EMILIN2: variants seen among roughly 807,000 people sequenced by gnomAD.
EMILIN2 encodes EMILIN-2.
EMILIN2 carries 71 observed loss-of-function variants against 87.1 expected under a neutral mutation model. The observed-to-expected ratio is 0.82, with a 90% CI of 0.67 to 0.99. The LOEUF is 0.99. Among genes scored for constraint, EMILIN2 ranks in the 50% least tolerant of loss-of-function variants. The pLI is 0.00. For synonymous variants in EMILIN2, 581 were observed against 563.4 expected (o/e 1.03, Z -0.44); for missense variants, 1,407 against 1,371.8 (o/e 1.03, Z -0.40).
chr18:2,881,331 G>A (rs984380516), intron 2 of EMILIN2, among the ~76,000 whole-genome samples: 1 of 152,150 alleles, frequency 6.6e-6, no homozygotes, highest in African/African-American at 2.4e-5. Context: ...TGTCAGGAGC[G>A]CCTCAACCTG....
intron 2 of EMILIN2, among the ~76,000 whole-genome samples, chr18:2,865,529 T>C (rs2076682143): frequency 6.6e-6 from 1 of 152,178 alleles, no homozygotes; most frequent in African/African-American, 2.4e-5. Context: ...ACAGCGGATA[T>C]TGGTGAACAG....
At chr18:2,862,281 G>T (rs1340296799) in intron 2 of EMILIN2, among the ~76,000 whole-genome samples, 1 of 152,148 alleles carries the variant, frequency 6.6e-6, no homozygotes, top group Non-Finnish European at 1.5e-5. Context: ...TTGAATAGGA[G>T]TGGTGAGAGA....
intron 2 of EMILIN2, among the ~76,000 whole-genome samples, chr18:2,874,821 A>G (rs1407583497): frequency 2.6e-5 from 4 of 152,264 alleles, no homozygotes; most frequent in Admixed American, 6.5e-5. Flanking sequence ...CTATGTTTAA[A>G]TCTGCAAAGA....
At chr18:2,863,021 A>T (rs1264814876) in intron 2 of EMILIN2, among the ~76,000 whole-genome samples, 1 of 152,198 alleles carries the variant, frequency 6.6e-6, no homozygotes, top group Non-Finnish European at 1.5e-5. Context: ...AGATGTTTAT[A>T]GTATTCTCTG....
At chr18:2,858,567 A>ATGTG (rs1456011795) in intron 2 of EMILIN2, among the ~76,000 whole-genome samples, 4 of 58,778 alleles carry the variant, frequency 6.8e-5, no homozygotes, top group East Asian at 6.7e-4. Flanking sequence ...ATATATATAT[A>ATGTG]TATGTGTGTG....
At chr18:2,878,130 G>A (rs924156430) in intron 2 of EMILIN2, among the ~76,000 whole-genome samples, 6 of 42,428 alleles carry the variant, frequency 1.4e-4, no homozygotes, top group African/African-American at 5.7e-4. Flanking sequence ...TAGTGGTGAT[G>A]ATTACATAAC....
At chr18:2,907,644 G>C (rs923397191) in intron 5 of EMILIN2, among the ~76,000 whole-genome samples, 9 of 152,222 alleles carry the variant, frequency 5.9e-5, no homozygotes, top group African/African-American at 2.2e-4. Flanking sequence ...TTACTGTCGT[G>C]GTGACAGTGG....
At chr18:2,856,531 G>T (rs2076628121) in intron 2 of EMILIN2, among the ~76,000 whole-genome samples, 1 of 152,156 alleles carries the variant, frequency 6.6e-6, no homozygotes, top group Admixed American at 6.5e-5. Context: ...TCTTCCTCGT[G>T]TGCCTAATAT....
intron 4 of EMILIN2, among the ~76,000 whole-genome samples, chr18:2,905,299 G>GC (rs1409811379): frequency 4.3e-4 from 32 of 73,978 alleles, no homozygotes; most frequent in Admixed American, 1.0e-3. Context: ...TGTGGGTGGG[G>GC]CGGGGGGGGG....
chr18:2,908,867 A>G, intron 5 of EMILIN2, 76 bp from the exon 6 acceptor site: 1 of 1,565,940 alleles, frequency 6.4e-7, no homozygotes, highest in South Asian at 1.1e-5. Context: ...TGAGGAGCAG[A>G]GGAAAAAGGG....
At chr18:2,895,944 C>T (rs191277845) in intron 4 of EMILIN2, among the ~76,000 whole-genome samples, 11 of 152,234 alleles carry the variant, frequency 7.2e-5, no homozygotes, top group Admixed American at 5.9e-4. Context: ...ATCGCCAGAC[C>T]GGGAACACAC....
Position 2,879,303 on chromosome 18 carries a change from T to C in EMILIN2, c.258-5661T>C, listed in dbSNP as rs77960757. 7.4e-3 allele frequency among the ~76,000 whole-genome samples: 1,132 copies of C among 152,300 alleles called. 15 individuals carry two copies. Among genetic ancestry groups the C allele is most frequent in the African/African-American group, 0.025 (1,055 of 41,570 alleles). On this transcript the variant is annotated intron_variant, in intron 2 of 7. Coordinates refer to ENST00000254528, the MANE Select transcript of EMILIN2 (RefSeq NM_032048.3). ...GTGCGGCCACTGGCATTTGTGCTGT[T>C]AAGTCTGTGAAATACACTAGTTTGA...
intron 2 of EMILIN2, among the ~76,000 whole-genome samples, chr18:2,857,403 C>T (rs986646940): frequency 2.0e-5 from 3 of 152,156 alleles, no homozygotes; most frequent in Non-Finnish European, 4.4e-5. Flanking sequence ...CAAGATGTTT[C>T]CCTCTTACTT....
rs760543983 is a variant in EMILIN2 at position 2,891,173 on chromosome 18, C to T, written c.1046C>T (p.Thr349Ile). The change falls in exon 4 of 8, where the codon ACT (threonine) becomes ATT (isoleucine). Residue 349 changes from threonine to isoleucine, a missense_variant. Transcript: ENST00000254528. This position sits in a 1 kb window ranked among gnomAD's most constrained non-coding sequence, Gnocchi z 4.6. ...DLKNSCEYKL[T>I]GLQQQCDDYG... ...AAAAACTCATGTGAGTACAAGCTCA[C>T]TGGCCTCCAGCAGCAGTGTGATGAC... 1 of 1,614,110 alleles carries T rather than the reference C, an allele frequency of 6.2e-7. No individual in the cohort carries two copies. Among genetic ancestry groups the T allele is most frequent in the African/African-American group, 1.3e-5 (1 of 74,926 alleles).
Position 2,913,277 on chromosome 18 carries a change from T to C in EMILIN2, c.3035T>C (p.Val1012Ala). ...GGCCCGGGGGCATTCCACCTCATCGTGCACCTGAAGGCGGGAGATGCAGTC... is the reference window on the plus strand; with the variant it reads ...GGCCCGGGGGCATTCCACCTCATCGCGCACCTGAAGGCGGGAGATGCAGTC... ...CGGPGAFHLI[V>A]HLKAGDAVNV... The change falls in exon 8 of 8, where the codon GTG becomes GCG. Residue 1012 changes from valine to alanine, a missense_variant. Transcript: ENST00000254528. 1.9e-6 allele frequency: 3 copies of C among 1,613,658 alleles called. No individual in the cohort carries two copies. Among genetic ancestry groups the C allele is most frequent in the Admixed American group, 1.7e-5 (1 of 60,000 alleles).
chr18:2,888,470 C>A (rs1276513998), intron 3 of EMILIN2, among the ~76,000 whole-genome samples: 1 of 152,008 alleles, frequency 6.6e-6, no homozygotes, highest in Non-Finnish European at 1.5e-5. Context: ...AATCCCAGCA[C>A]TTTGGGAGGC....
intron 2 of EMILIN2, among the ~76,000 whole-genome samples, chr18:2,875,045 A>G (rs1598492232): frequency 6.6e-6 from 1 of 152,184 alleles, no homozygotes; most frequent in Admixed American, 6.5e-5. Context: ...GTGTGGCTGG[A>G]GGATGTGGCA....
intron 2 of EMILIN2, among the ~76,000 whole-genome samples, chr18:2,868,775 C>CCGTGGAAAGAGGAGAGGGAGAGGGAGAG (rs2076703894): frequency 6.6e-6 from 1 of 151,632 alleles, no homozygotes; most frequent in Non-Finnish European, 1.5e-5. Context: ...CGGCATCAGA[C>CCGTGGAAAGAGGAGAGGGAGAGGGAGAG]GGAGACCGTG....
chr18:2,851,410 G>A (rs2076601087), intron 2 of EMILIN2, among the ~76,000 whole-genome samples: 1 of 152,196 alleles, frequency 6.6e-6, no homozygotes, highest in Admixed American at 6.5e-5. Context: ...GCTCCAGCCT[G>A]GGTGATAGAG....
Sources: allele counts gnomAD v4.1 joint callset (sites outside exome capture counted in the v4.1 genomes callset), GRCh38; gene constraint gnomAD v4.1.1; non-coding constraint Gnocchi (gnomAD v3.1); transcripts MANE v1.5; gene names NCBI Gene and HGNC (gene_info 2026-07-23, HGNC 2026-07-21).